SENP7: variants seen among roughly 807,000 people sequenced by gnomAD.
SENP7 encodes the protein sentrin-specific protease 7.
Under a neutral mutation model 141.2 loss-of-function variants are expected in SENP7, and 64 were observed. The observed-to-expected ratio is 0.45, with a 90% CI of 0.37 to 0.56. SENP7 has a LOEUF of 0.56. Among genes scored for constraint, SENP7 ranks in the 20% least tolerant of loss-of-function variants. The pLI is 0.00. For missense variants in SENP7, 1,025 were observed against 1,212.2 expected, an observed-to-expected ratio of 0.85 and a Z score of 2.29; for synonymous variants, 382 against 426.4, an observed-to-expected ratio of 0.90 and a Z score of 1.28.
At chr3:101,473,285 C>G (rs569084611) in intron 3 of SENP7, among the ~76,000 whole-genome samples, 2 of 152,238 alleles carry the variant, frequency 1.3e-5, no homozygotes, top group South Asian at 4.1e-4. Flanking sequence ...GTACTTCTGT[C>G]TTTACATCTT....
intron 4 of SENP7, among the ~76,000 whole-genome samples, chr3:101,452,762 C>G (rs112707150): frequency 6.6e-6 from 1 of 151,918 alleles, no homozygotes; most frequent in Admixed American, 6.6e-5. Context: ...CATAAAAACC[C>G]TAGAAGAAAA....
chr3:101,358,130 C>T (rs1022950182), intron 11 of SENP7: 1 of 512,364 alleles, frequency 2.0e-6, no homozygotes, highest in Admixed American at 3.1e-5. Flanking sequence ...GTTCCTCAAA[C>T]CCTACTAAAC....
intron 4 of SENP7, among the ~76,000 whole-genome samples, chr3:101,421,775 T>C (rs1189603185): frequency 6.6e-6 from 1 of 152,226 alleles, no homozygotes; most frequent in African/African-American, 2.4e-5. Context: ...GAAAAAATTC[T>C]AAACATCTAC....
At chr3:101,446,698 A>AT (rs1045800729) in intron 4 of SENP7, among the ~76,000 whole-genome samples, 1 of 152,120 alleles carries the variant, frequency 6.6e-6, no homozygotes, top group Non-Finnish European at 1.5e-5. Flanking sequence ...AAAGAAAAAA[A>AT]TTTTTTTTAC....
At position 101,329,447 on chromosome 3, in the gene SENP7, T is replaced by C. The variant is rs541971304; in HGVS notation, c.2752-758A>G. On this transcript the variant is annotated intron_variant, in intron 20 of 23. Transcript: ENST00000394095. Reference sequence around the variant, plus strand: ...GTTCGTATCAGTGACAGTAAAGACATAGGCCTGTGCCAGGGAGTCTGCTGC... The same window carrying C: ...GTTCGTATCAGTGACAGTAAAGACACAGGCCTGTGCCAGGGAGTCTGCTGC... 1.7e-3 allele frequency among the ~76,000 whole-genome samples: 260 copies of C among 152,026 alleles called. 1 individual carries two copies. The highest frequency in any genetic ancestry group is 6.8e-3 in the Middle Eastern group (2 of 294).
intron 6 of SENP7, among the ~76,000 whole-genome samples, chr3:101,393,444 G>A (rs1488009010): frequency 6.6e-6 from 1 of 152,060 alleles, no homozygotes; most frequent in African/African-American, 2.4e-5. Context: ...CATCTCACTA[G>A]GGATACGTAC....
intron 3 of SENP7, among the ~76,000 whole-genome samples, chr3:101,468,029 G>A (rs1405972071): frequency 6.6e-6 from 1 of 152,114 alleles, no homozygotes; most frequent in Non-Finnish European, 1.5e-5. Flanking sequence ...TCATGGAGGT[G>A]AAAACCATGG....
At chr3:101,452,912 A>G (rs186699724) in intron 4 of SENP7, among the ~76,000 whole-genome samples, 2 of 152,254 alleles carry the variant, frequency 1.3e-5, no homozygotes, top group Non-Finnish European at 2.9e-5. Context: ...AGAAACTACC[A>G]TCAGAGTGAA....
At chr3:101,416,246 TCTTTA>T (rs140091204) in intron 5 of SENP7, among the ~76,000 whole-genome samples, 31,909 of 151,926 alleles carry the variant, frequency 0.21, 3,491 homozygotes, top group Non-Finnish European at 0.24. Flanking sequence ...TTACTGGGAC[TCTTTA>T]CTTCATATTA....
chr3:101,357,171 T>C (rs2059767308), intron 11 of SENP7: 1 of 188,822 alleles, frequency 5.3e-6, no homozygotes, highest in Non-Finnish European at 1.1e-5. Context: ...CAGTCAATTT[T>C]TGCATTCTCA....
intron 4 of SENP7, among the ~76,000 whole-genome samples, chr3:101,444,998 T>C (rs767116582): frequency 4.1e-4 from 62 of 152,062 alleles, no homozygotes; most frequent in Non-Finnish European, 7.8e-4. Context: ...TTTTACCAAA[T>C]AGATTCAATC....
At chr3:101,431,559 A>G (rs545906361) in intron 4 of SENP7, among the ~76,000 whole-genome samples, 80 of 126,700 alleles carry the variant, frequency 6.3e-4, no homozygotes, top group African/African-American at 2.5e-3. Flanking sequence ...AGATCTTCCT[A>G]CATCACTTGA....
chr3:101,485,232 G>A (rs951392976), intron 3 of SENP7, among the ~76,000 whole-genome samples: 9 of 152,064 alleles, frequency 5.9e-5, no homozygotes, highest in East Asian at 1.9e-4. Context: ...CTCTCCCACC[G>A]CCAGTGCCTC....
rs1180358284 is a variant in SENP7, at chr3:101,380,441, C to A, written c.678-8315G>T. On this transcript the variant is annotated intron_variant, in intron 6 of 23. Coordinates refer to ENST00000394095, the MANE Select transcript of SENP7 (RefSeq NM_020654.5). ...GAACGTAAAGCAAACCACCGCCCCC[C>A]CCCCCACACACACACACAAAACAAA... 1.2e-4 allele frequency among the ~76,000 whole-genome samples: 12 copies of A among 101,148 alleles called. No individual in the cohort carries two copies. The South Asian group carries it at 4.3e-3, about 36-fold the overall frequency. The allele number at this position is 101,148 out of a possible 152,430, so 66.4% of individuals were successfully genotyped here.
In SENP7 at chr3:101,367,822, C is replaced by G. The variant is rs1187137762; in HGVS notation, c.978+8G>C. 3 of 1,535,352 alleles carry G rather than the reference C, an allele frequency of 2.0e-6. No homozygotes were observed. The East Asian group carries it at 6.9e-5, about 35-fold the overall frequency. On this transcript the variant is annotated splice_region_variant and intron_variant, in intron 8 of 23. Transcript: ENST00000394095. ...TATTTCCTATAATATCTAAATACCTCTACTTACTGTCTGTTCTGTTGACTT... is the reference window on the plus strand; with the variant it reads ...TATTTCCTATAATATCTAAATACCTGTACTTACTGTCTGTTCTGTTGACTT...
At chr3:101,492,608 A>C (rs2065009947) in intron 3 of SENP7, among the ~76,000 whole-genome samples, 1 of 152,124 alleles carries the variant, frequency 6.6e-6, no homozygotes, top group South Asian at 2.1e-4. Flanking sequence ...TAAGAAGAAG[A>C]GACACTAGGG....
intron 4 of SENP7, among the ~76,000 whole-genome samples, chr3:101,446,377 A>G (rs1181783741): frequency 5.9e-5 from 9 of 152,228 alleles, no homozygotes; most frequent in African/African-American, 2.2e-4. Context: ...TCATCCAGAC[A>G]GAAAACATCA....
chr3:101,377,501 A>G (rs985670861), intron 6 of SENP7, among the ~76,000 whole-genome samples: 1 of 152,172 alleles, frequency 6.6e-6, no homozygotes, highest in Non-Finnish European at 1.5e-5. Context: ...GGGGTCGCAC[A>G]CTTTTGTGAG....
intron 1 of SENP7, among the ~76,000 whole-genome samples, chr3:101,508,047 CA>C (rs61638290): frequency 0.18 from 16,531 of 89,526 alleles, 1,122 homozygotes; most frequent in Non-Finnish European, 0.24. Flanking sequence ...GACTCCATCT[CA>C]AAAAAAAAAA....
Sources: allele counts gnomAD v4.1 joint callset (sites outside exome capture counted in the v4.1 genomes callset), GRCh38; gene constraint gnomAD v4.1.1; transcripts MANE v1.5; gene names NCBI Gene and HGNC (gene_info 2026-07-23, HGNC 2026-07-21).